Variants in DAGLA observed in about 807,000 individuals in gnomAD.
The protein encoded by DAGLA is diacylglycerol lipase alpha, also known as diacylglycerol lipase-alpha.
Under a neutral mutation model 102.6 loss-of-function variants are expected in DAGLA, and 22 were observed. That is an observed-to-expected ratio of 0.21 (90% CI 0.15 to 0.31). The LOEUF is 0.31. DAGLA is among the 10% of genes least tolerant of loss of function. DAGLA has a pLI of 1.00. For synonymous variants in DAGLA, 578 were observed against 628.9 expected (o/e 0.92, Z 1.21); for missense variants, 927 against 1,446.6 (o/e 0.64, Z 5.83).
chr11:61,707,137 C>T (rs574076073), intron 1 of DAGLA, among the ~76,000 whole-genome samples: 2 of 152,366 alleles, frequency 1.3e-5, no homozygotes, highest in East Asian at 3.9e-4. Flanking sequence ...GCCGTGTCCT[C>T]GTGAAGTGGG....
chr11:61,741,728 C>T (rs1421205668), intron 19 of DAGLA, among the ~76,000 whole-genome samples: 5 of 151,878 alleles, frequency 3.3e-5, no homozygotes, highest in African/African-American at 4.8e-5. Context: ...TATCCTGCCT[C>T]AGCCTCCCAA....
chr11:61,691,223 A>G (rs2065022157), intron 1 of DAGLA, among the ~76,000 whole-genome samples: 2 of 152,356 alleles, frequency 1.3e-5, no homozygotes, highest in South Asian at 2.1e-4. Context: ...TCAGTGCTTT[A>G]TAAAAGTTTA....
chr11:61,690,941 C>T (rs1368940993), intron 1 of DAGLA, among the ~76,000 whole-genome samples: 1 of 152,232 alleles, frequency 6.6e-6, no homozygotes, highest in African/African-American at 2.4e-5. Context: ...TTCACCGACC[C>T]TGTACCTCGC....
chr11:61,687,338 CTT>C (rs879495403), intron 1 of DAGLA, among the ~76,000 whole-genome samples: 6 of 147,010 alleles, frequency 4.1e-5, no homozygotes, highest in African/African-American at 9.9e-5. Context: ...CTCTAGCACT[CTT>C]TTTTTTTTTT....
intron 12 of DAGLA, 129 bp from the exon 13 acceptor site, chr11:61,736,141 C>A: frequency 1.3e-6 from 1 of 741,682 alleles, no homozygotes. Context: ...CCAGCCCCCA[C>A]AGCTGGGTTG....
chr11:61,708,234 C>T (rs867763473), intron 1 of DAGLA, among the ~76,000 whole-genome samples: 17 of 152,186 alleles, frequency 1.1e-4, no homozygotes, highest in Middle Eastern at 3.2e-3. Context: ...TCTCGATCTC[C>T]TGGCCTCAAG....
chr11:61,740,719 A>ACTTC, intron 18 of DAGLA, 127 bp downstream of exon 18: 1 of 1,274,164 alleles, frequency 7.8e-7, no homozygotes, highest in Non-Finnish European at 1.1e-6. Context: ...AGAAGTAGGT[A>ACTTC]GCTGGGCCAG....
In DAGLA at chr11:61,720,829, C is replaced by A; in HGVS notation, c.246C>A (p.Arg82=). ...TGGCCATCATCTGGCTGAGCATGCG[C>A]GGGGGCATCCTCTACACGGAGCCCC... is the stretch of plus-strand genomic sequence containing the variant. ...AEMAIIWLSM[R]GGILYTEPRD... The change falls in exon 3 of 20, where the codon CGC becomes CGA. Residue 82 remains arginine, a synonymous_variant. Transcript: ENST00000257215. 6.2e-7 allele frequency: 1 copy of A among 1,613,568 alleles called. No individual in the cohort carries two copies. The highest frequency in any genetic ancestry group is 2.2e-5 in the East Asian group (1 of 44,882).
chr11:61,694,524 G>A (rs1329721474), intron 1 of DAGLA, among the ~76,000 whole-genome samples: 1 of 152,198 alleles, frequency 6.6e-6, no homozygotes, highest in East Asian at 1.9e-4. Flanking sequence ...TTGGCCTCAC[G>A]TGCACCCTTT....
chr11:61,709,604 C>A (rs1205979232), intron 1 of DAGLA, among the ~76,000 whole-genome samples: 1 of 152,128 alleles, frequency 6.6e-6, no homozygotes, highest in Non-Finnish European at 1.5e-5. Flanking sequence ...GCACTGAGAT[C>A]CCCCTCATTG....
intron 1 of DAGLA, 29 bp from the exon 2 acceptor site, chr11:61,720,083 C>G: frequency 6.6e-7 from 1 of 1,518,582 alleles, no homozygotes; most frequent in Non-Finnish European, 9.0e-7. Context: ...CCTCCTCAGG[C>G]AGCTATAAGG....
At chr11:61,703,992 A>C (rs1205416402) in intron 1 of DAGLA, among the ~76,000 whole-genome samples, 1 of 152,196 alleles carries the variant, frequency 6.6e-6, no homozygotes, top group Non-Finnish European at 1.5e-5. Flanking sequence ...TGAGTGGGGA[A>C]ACCCAGCAAG....
rs1051686513 is a variant in DAGLA, at chr11:61,734,810, G to C, written c.975-39G>C. The C allele has an allele frequency of 6.3e-7, 1 of 1,584,962 alleles. No homozygotes were observed. Among genetic ancestry groups the C allele is most frequent in the African/African-American group, 1.3e-5 (1 of 74,590 alleles). ...GGCAGGAGACATTTGTTCCCTCGGG[G>C]ACTCCCTGGCCCTGAACTCTCTTGT... On this transcript the variant is annotated intron_variant, in intron 9 of 19. Transcript: ENST00000257215. The surrounding 1 kb of genome is among the most constrained non-coding windows in gnomAD (Gnocchi z 4.2).
At chr11:61,689,443 G>A (rs1164181597) in intron 1 of DAGLA, among the ~76,000 whole-genome samples, 2 of 152,074 alleles carry the variant, frequency 1.3e-5, no homozygotes, top group African/African-American at 2.4e-5. Flanking sequence ...TAAAGACAGA[G>A]CTTTATATGA....
chr11:61,685,625 G>A (rs1016699640), intron 1 of DAGLA, among the ~76,000 whole-genome samples: 5 of 151,660 alleles, frequency 3.3e-5, no homozygotes, highest in Admixed American at 2.6e-4. Context: ...ACCTCAAGTT[G>A]CTTAAAATCT....
At position 61,744,759 on chromosome 11, in the gene DAGLA, A is replaced by G; in HGVS notation, c.*270A>G. 2 of 414,064 alleles carry G rather than the reference A, an allele frequency of 4.8e-6. No individual in the cohort carries two copies. The highest frequency in any genetic ancestry group is 9.3e-5 in the South Asian group (2 of 21,412). 25.6% of individuals were successfully genotyped at this position (414,064 alleles called of 1,614,324 possible). On this transcript the variant is annotated 3_prime_UTR_variant, in exon 20 of 20. Transcript: ENST00000257215. ...GCCTGGGCAGCCTGCTGGGTGGGCC[A>G]CACTCAGCCTGACTGCCCTCCATGG...
chr11:61,726,293 A>G (rs749083465), intron 6 of DAGLA, among the ~76,000 whole-genome samples: 6 of 152,248 alleles, frequency 3.9e-5, no homozygotes, highest in Non-Finnish European at 7.3e-5. Flanking sequence ...TGCTTTGTCA[A>G]GGGAACAGAA....
intron 1 of DAGLA, among the ~76,000 whole-genome samples, chr11:61,701,211 A>G (rs1342699807): frequency 6.6e-6 from 1 of 151,820 alleles, no homozygotes; most frequent in African/African-American, 2.4e-5. Flanking sequence ...AATTAATCCC[A>G]CCTCCATCCC....
rs1156694105 is a variant in DAGLA, at chr11:61,744,128, T to G, written c.2768T>G (p.Leu923Arg). ...FAEFIDSLFN[L>R]DSKSSSFQDL... ...GAGTTCATCGACAGCCTCTTCAACC[T>G]GGACAGCAAGAGCAGCTCCTTCCAA... Residue 923 changes from leucine to arginine, a missense_variant, in exon 20 of 20, where the codon CTG becomes CGG. Leu to Arg is a moderately radical substitution (Grantham distance 102). Coordinates refer to ENST00000257215, the MANE Select transcript of DAGLA (RefSeq NM_006133.3). 6.2e-7 allele frequency: 1 copy of G among 1,613,014 alleles called. No individual in the cohort carries two copies. The highest frequency in any genetic ancestry group is 2.2e-5 in the East Asian group (1 of 44,872).
Sources: gnomAD v4.1 joint callset for allele counts (sites outside exome capture counted in the v4.1 genomes callset) on GRCh38, gnomAD v4.1.1 for gene constraint, Gnocchi (gnomAD v3.1) non-coding constraint, MANE v1.5 for transcripts, NCBI Gene and HGNC (gene_info 2026-07-23, HGNC 2026-07-21) for gene names.